Variants in GRIP1 observed in about 807,000 individuals in gnomAD.
GRIP1 encodes glutamate receptor interacting protein 1, also known as glutamate receptor-interacting protein 1.
In GRIP1, 45 loss-of-function variants were observed where a neutral mutation model predicts 129.9. That is an observed-to-expected ratio of 0.35 (90% CI 0.27 to 0.44). The LOEUF (loss-of-function observed/expected upper bound fraction) is 0.44. Among genes scored for constraint, GRIP1 ranks in the 20% least tolerant of loss-of-function variants. The pLI, the probability that GRIP1 is intolerant of heterozygous loss-of-function variation, is 1.00. For missense variants in GRIP1, 1,196 were observed against 1,396.8 expected, an observed-to-expected ratio of 0.86 and a Z score of 2.29; for synonymous variants, 530 against 520.8, an observed-to-expected ratio of 1.02 and a Z score of -0.24.
At chr12:66,613,670 G>T (rs2064912460) in intron 1 of GRIP1, among the ~76,000 whole-genome samples, 1 of 152,162 alleles carries the variant, frequency 6.6e-6, no homozygotes, top group Admixed American at 6.6e-5. Flanking sequence ...TACGGCAAAA[G>T]ATGATTACTC....
intron 1 of GRIP1, among the ~76,000 whole-genome samples, chr12:66,618,689 TTTTA>T (rs2065144832): frequency 1.3e-5 from 2 of 152,116 alleles, no homozygotes; most frequent in African/African-American, 4.8e-5. Flanking sequence ...TTGAAAGACA[TTTTA>T]TTAATACATG....
At chr12:66,412,329 AAC>A (rs2057431957) in intron 15 of GRIP1, among the ~76,000 whole-genome samples, 2 of 152,220 alleles carry the variant, frequency 1.3e-5, no homozygotes, top group South Asian at 4.1e-4. Flanking sequence ...GCCAATATTC[AAC>A]ATTCTTAAAG....
chr12:66,767,999 G>A (rs10878506), intron 1 of GRIP1, among the ~76,000 whole-genome samples: 89,090 of 151,990 alleles, frequency 0.59, 26,447 homozygotes, highest in East Asian at 0.77. Context: ...GCAGGCTTAT[G>A]AAAGGGAGAA....
intron 1 of GRIP1, among the ~76,000 whole-genome samples, chr12:66,911,451 C>T (rs962991073): frequency 6.6e-6 from 1 of 152,144 alleles, no homozygotes; most frequent in East Asian, 1.9e-4. Context: ...ATTCTCTTCT[C>T]CTGGCATTCT....
chr12:66,610,706 T>C (rs963783833), intron 1 of GRIP1, among the ~76,000 whole-genome samples: 2 of 152,120 alleles, frequency 1.3e-5, no homozygotes, highest in South Asian at 2.1e-4. Flanking sequence ...CCTACAAATA[T>C]GAAACATATG....
At chr12:66,522,500 A>T (rs1006647616) in intron 5 of GRIP1, among the ~76,000 whole-genome samples, 1 of 152,230 alleles carries the variant, frequency 6.6e-6, no homozygotes, top group African/African-American at 2.4e-5. Flanking sequence ...AAAACTAACA[A>T]AGAGAAAGGA....
intron 1 of GRIP1, among the ~76,000 whole-genome samples, chr12:66,642,697 A>G (rs566892686): frequency 6.6e-6 from 1 of 152,322 alleles, no homozygotes; most frequent in South Asian, 2.1e-4. Context: ...TTTGCAAATT[A>G]TGAACAATGA....
intron 15 of GRIP1, among the ~76,000 whole-genome samples, chr12:66,409,690 C>T (rs536559082): frequency 3.8e-4 from 58 of 152,296 alleles, no homozygotes; most frequent in African/African-American, 1.3e-3. Context: ...ACCAAGTGAA[C>T]TAAATAAGGC....
At chr12:66,430,515 T>A (rs2058116703) in intron 14 of GRIP1, among the ~76,000 whole-genome samples, 1 of 152,154 alleles carries the variant, frequency 6.6e-6, no homozygotes, top group Admixed American at 6.6e-5. Context: ...AAAACACTCA[T>A]GCAAAACAAA....
intron 1 of GRIP1, among the ~76,000 whole-genome samples, chr12:67,054,592 C>T (rs1307157964): frequency 1.3e-5 from 2 of 151,926 alleles, no homozygotes; most frequent in Non-Finnish European, 1.5e-5. Context: ...GGCAAAACCC[C>T]GTTTCTACTA....
At chr12:66,978,212 T>G (rs912051793) in intron 1 of GRIP1, among the ~76,000 whole-genome samples, 1 of 152,008 alleles carries the variant, frequency 6.6e-6, no homozygotes, top group South Asian at 2.1e-4. Context: ...TAGACTCAAC[T>G]CTGGGAATTT....
intron 1 of GRIP1, among the ~76,000 whole-genome samples, chr12:66,730,742 T>C (rs1340852853): frequency 2.0e-5 from 3 of 149,710 alleles, no homozygotes; most frequent in Admixed American, 6.7e-5. Context: ...GTATTTCCCA[T>C]GCCCAGTGTG....
intron 1 of GRIP1, among the ~76,000 whole-genome samples, chr12:66,897,125 CAGTT>C (rs934217443): frequency 2.6e-5 from 4 of 152,122 alleles, no homozygotes; most frequent in Non-Finnish European, 4.4e-5. Context: ...CAATAATAAA[CAGTT>C]AGAAATTCAC....
chr12:66,525,247 A>G (rs895782073), intron 5 of GRIP1, among the ~76,000 whole-genome samples: 8 of 152,282 alleles, frequency 5.3e-5, no homozygotes, highest in African/African-American at 1.9e-4. Context: ...TTTTAGACCA[A>G]TATGCTTGAT....
At chr12:66,773,735 C>A (rs1334562441) in intron 1 of GRIP1, among the ~76,000 whole-genome samples, 1 of 152,064 alleles carries the variant, frequency 6.6e-6, no homozygotes, top group African/African-American at 2.4e-5. Flanking sequence ...ATAAAAGAAC[C>A]AAATCACTGC....
intron 1 of GRIP1, among the ~76,000 whole-genome samples, chr12:66,924,411 C>T (rs897722349): frequency 6.6e-6 from 1 of 152,168 alleles, no homozygotes; most frequent in African/African-American, 2.4e-5. Flanking sequence ...GGGGCCCATG[C>T]TGCAGGTAGA....
chr12:66,810,028 T>C (rs542418198), intron 1 of GRIP1, among the ~76,000 whole-genome samples: 1 of 152,270 alleles, frequency 6.6e-6, no homozygotes, highest in South Asian at 2.1e-4. Context: ...TCTGAGGGCA[T>C]TGCTACAACA....
At chr12:66,593,182 C>A (rs936771295) in intron 2 of GRIP1, among the ~76,000 whole-genome samples, 2 of 152,160 alleles carry the variant, frequency 1.3e-5, no homozygotes, top group African/African-American at 2.4e-5. Context: ...TCCCAAATAA[C>A]ATGAATAATG....
intron 1 of GRIP1, among the ~76,000 whole-genome samples, chr12:66,767,285 C>T (rs75931780): frequency 2.2e-3 from 328 of 152,186 alleles, no homozygotes; most frequent in African/African-American, 7.6e-3. Context: ...AAGATGTCTT[C>T]TCTGAGGGAT....
Sources: gnomAD v4.1 joint callset for allele counts (sites outside exome capture counted in the v4.1 genomes callset) on GRCh38, gnomAD v4.1.1 for gene constraint, MANE v1.5 for transcripts, NCBI Gene and HGNC (gene_info 2026-07-23, HGNC 2026-07-21) for gene names.